CLIC5: variants seen among roughly 807,000 people sequenced by gnomAD.
The protein encoded by CLIC5 is CLIC family member 5.
Under a neutral mutation model 24.7 loss-of-function variants are expected in CLIC5, and 20 were observed. The observed-to-expected ratio is 0.81, with a 90% CI of 0.57 to 1.18. CLIC5 has a LOEUF of 1.18. Among genes scored for constraint, CLIC5 ranks in the 50% most tolerant of loss-of-function variants. The pLI is 0.00. For synonymous variants in CLIC5, 159 were observed against 135.6 expected (o/e 1.17, Z -1.20); for missense variants, 341 against 326.1 (o/e 1.05, Z -0.35).
At chr6:45,905,158 G>T (rs1018496884) in intron 5 of CLIC5, among the ~76,000 whole-genome samples, 29 of 152,230 alleles carry the variant, frequency 1.9e-4, no homozygotes, top group Middle Eastern at 6.8e-3. Context: ...TCATGTCTTT[G>T]CTATTGTGAA....
chr6:46,079,200 T>G (rs1762854008), intron 1 of CLIC5, among the ~76,000 whole-genome samples: 1 of 152,198 alleles, frequency 6.6e-6, no homozygotes, highest in South Asian at 2.1e-4. Flanking sequence ...CTGAAATCAT[T>G]TGACTTCATC....
rs574884304 is a variant in CLIC5 at position 46,034,857 on chromosome 6, G to T, written c.540+44846C>A. Among the ~76,000 whole-genome samples, 23 of 152,300 alleles carry T rather than the reference G, an allele frequency of 1.5e-4. No individual in the cohort carries two copies. The East Asian group carries it at 4.2e-3, about 28-fold the overall frequency. ...GGCACGGACTCAAACTATGTCATTT[G>T]GGCATTATAGAGAAGGGTGACTACT... is the stretch of plus-strand genomic sequence containing the variant. On this transcript the variant is annotated intron_variant, in intron 1 of 5. Coordinates refer to the CLIC5 transcript ENST00000185206.
the CLIC5 span, among the ~76,000 whole-genome samples, chr6:46,087,671 A>G: frequency 1.3e-5 from 2 of 151,962 alleles, no homozygotes; most frequent in Non-Finnish European, 2.9e-5. Flanking sequence ...TAGCTCTCTA[A>G]CACTTCTCTA....
intron 1 of CLIC5, among the ~76,000 whole-genome samples, chr6:46,052,237 A>G (rs1032222380): frequency 2.6e-5 from 4 of 152,216 alleles, no homozygotes; most frequent in African/African-American, 9.6e-5. Flanking sequence ...TGAAGTGCTG[A>G]AAAGCCTTGC....
intron 1 of CLIC5, among the ~76,000 whole-genome samples, chr6:45,966,153 A>G (rs796661259): frequency 1.3e-5 from 2 of 152,370 alleles, no homozygotes; most frequent in African/African-American, 4.8e-5. Context: ...AAACTCAAAT[A>G]TAACAAATTG....
At chr6:45,897,857 T>C (rs933076620), downstream of CLIC5, among the ~76,000 whole-genome samples, 10 of 152,142 alleles carry the variant, frequency 6.6e-5, no homozygotes, top group African/African-American at 2.2e-4. Context: ...GGACTGTCAC[T>C]GTTGATCTAC....
chr6:45,955,836 A>G (rs993735234), intron 1 of CLIC5, among the ~76,000 whole-genome samples: 2 of 152,060 alleles, frequency 1.3e-5, no homozygotes, highest in Admixed American at 6.5e-5. Flanking sequence ...GCTTTAATCA[A>G]TACACCACTT....
At chr6:45,950,788 C>G (rs16874029) in intron 2 of CLIC5, among the ~76,000 whole-genome samples, 10,053 of 152,094 alleles carry the variant, frequency 0.066, 511 homozygotes, top group South Asian at 0.15. Flanking sequence ...AGTATTTTAA[C>G]TTAATTCAAG....
chr6:45,974,353 G>T, intron 1 of CLIC5, among the ~76,000 whole-genome samples: 1 of 151,608 alleles, frequency 6.6e-6, no homozygotes, highest in East Asian at 1.9e-4. Context: ...AGTGATTATA[G>T]CTTCCAGGCA....
intron 4 of CLIC5, among the ~76,000 whole-genome samples, chr6:45,934,688 AT>A (rs1231909004): frequency 6.6e-6 from 1 of 152,214 alleles, no homozygotes; most frequent in Non-Finnish European, 1.5e-5. Context: ...GAAATACTGA[AT>A]TTTTGTCTTA....
intron 1 of CLIC5, among the ~76,000 whole-genome samples, chr6:45,985,509 T>G (rs80246757): frequency 0.032 from 4,877 of 152,216 alleles, 257 homozygotes; most frequent in African/African-American, 0.11. Flanking sequence ...AAGTGACTCC[T>G]TTCTTAGCAG....
At chr6:45,894,733 A>G (rs1762379232), downstream of CLIC5, among the ~76,000 whole-genome samples, 1 of 152,224 alleles carries the variant, frequency 6.6e-6, no homozygotes, top group Non-Finnish European at 1.5e-5. Context: ...TTAGGGCCAA[A>G]TGATTATAAG....
At chr6:46,116,642 C>T in the CLIC5 span, among the ~76,000 whole-genome samples, 63 of 152,274 alleles carry the variant, frequency 4.1e-4, no homozygotes, top group African/African-American at 1.4e-3. Flanking sequence ...AGGGTAAGGC[C>T]AAGCTCTGGG....
chr6:46,114,511 A>G, the CLIC5 span, among the ~76,000 whole-genome samples: 4 of 152,012 alleles, frequency 2.6e-5, no homozygotes, highest in Admixed American at 2.6e-4. Flanking sequence ...TGCAGAGCAT[A>G]CTCTTACTGG....
intron 1 of CLIC5, among the ~76,000 whole-genome samples, chr6:46,070,880 A>G (rs1299899783): frequency 6.6e-6 from 1 of 152,156 alleles, no homozygotes; most frequent in East Asian, 1.9e-4. Flanking sequence ...AAACAGACAC[A>G]TTCACCAATG....
intron 1 of CLIC5, among the ~76,000 whole-genome samples, chr6:45,965,177 G>A (rs1213847195): frequency 6.6e-6 from 1 of 152,202 alleles, no homozygotes; most frequent in Non-Finnish European, 1.5e-5. Context: ...GGCCAGAGGA[G>A]AGTGTTCCTA....
chr6:46,001,622 C>T (rs1421086505), intron 1 of CLIC5, among the ~76,000 whole-genome samples: 2 of 152,156 alleles, frequency 1.3e-5, no homozygotes, highest in African/African-American at 4.8e-5. Context: ...GGGCCTGGCA[C>T]CTGGTAGGCT....
upstream of CLIC5, among the ~76,000 whole-genome samples, chr6:46,019,984 G>T (rs1406412338): frequency 6.6e-6 from 1 of 152,034 alleles, no homozygotes; most frequent in East Asian, 1.9e-4. Context: ...AGAGACTTCA[G>T]TTCTCCTCTT....
chr6:45,892,542 G>A (rs911374456), intron 6 of CLIC5, among the ~76,000 whole-genome samples: 16 of 152,118 alleles, frequency 1.1e-4, no homozygotes, highest in Non-Finnish European at 1.5e-5. Context: ...GTGCAGTGCG[G>A]GCTTTGTTCT....
Sources: allele counts gnomAD v4.1 joint callset (sites outside exome capture counted in the v4.1 genomes callset), GRCh38; gene constraint gnomAD v4.1.1; transcripts MANE v1.5; gene names NCBI Gene and HGNC (gene_info 2026-07-23, HGNC 2026-07-21).